STAT3: variants seen among roughly 807,000 people sequenced by gnomAD.
STAT3 encodes the protein DNA-binding protein APRF.
A neutral mutation model predicts 114.3 loss-of-function variants in STAT3; 7 were observed. The ratio of observed to expected loss-of-function variants is 0.06; its 90% confidence interval spans 0.03 to 0.11. STAT3 has a LOEUF of 0.11. STAT3 is among the 10% of genes least tolerant of loss of function. The pLI is 1.00. For missense variants in STAT3, 364 were observed against 960.9 expected (o/e 0.38, Z 8.21); for synonymous variants, 331 against 354.5 (o/e 0.93, Z 0.74).
intron 1 of STAT3, among the ~76,000 whole-genome samples, chr17:42,383,998 G>C (rs1026544548): frequency 6.6e-6 from 1 of 152,174 alleles, no homozygotes; most frequent in Non-Finnish European, 1.5e-5. Flanking sequence ...AGGGCAGAGG[G>C]CATATGCACT....
chr17:42,374,982 A>G (rs1030878553), intron 1 of STAT3, among the ~76,000 whole-genome samples: 1 of 152,226 alleles, frequency 6.6e-6, no homozygotes, highest in Non-Finnish European at 1.5e-5. Flanking sequence ...GACATCTGAA[A>G]TAAGTCAACA....
intron 1 of STAT3, among the ~76,000 whole-genome samples, chr17:42,369,397 CGTT>C (rs1166237796): frequency 6.6e-6 from 1 of 151,972 alleles, no homozygotes; most frequent in African/African-American, 2.4e-5. Flanking sequence ...AACATGATCT[CGTT>C]GTTTTTTATG....
intron 10 of STAT3, among the ~76,000 whole-genome samples, chr17:42,332,696 A>G (rs1425595683): frequency 6.6e-6 from 1 of 151,990 alleles, no homozygotes; most frequent in African/African-American, 2.4e-5. Context: ...TACAAAAATT[A>G]GCCGGGCATG....
At chr17:42,383,380 T>A (rs1388462974) in intron 1 of STAT3, among the ~76,000 whole-genome samples, 6 of 151,158 alleles carry the variant, frequency 4.0e-5, no homozygotes, top group Non-Finnish European at 8.9e-5. Context: ...TTTTTTTTTT[T>A]AAAGAAACAA....
chr17:42,345,341 T>G (rs2082648371), intron 4 of STAT3: 1 of 545,738 alleles, frequency 1.8e-6, no homozygotes, highest in African/African-American at 1.9e-5. Flanking sequence ...GTCTGTTGGA[T>G]TCTTTTGGTG....
chr17:42,320,632 A>G (rs1031794200), intron 21 of STAT3, among the ~76,000 whole-genome samples: 2 of 149,058 alleles, frequency 1.3e-5, no homozygotes, highest in African/African-American at 4.9e-5. Context: ...CGGGAGGCTG[A>G]GGCAGGAGAA....
At chr17:42,363,810 C>A (rs1018036565) in intron 1 of STAT3, among the ~76,000 whole-genome samples, 2 of 151,968 alleles carry the variant, frequency 1.3e-5, no homozygotes, top group African/African-American at 4.8e-5. Context: ...CTCCTTGCCC[C>A]CCACCCACAG....
At chr17:42,373,712 C>T (rs1212090647) in intron 1 of STAT3, among the ~76,000 whole-genome samples, 4 of 151,400 alleles carry the variant, frequency 2.6e-5, no homozygotes, top group Admixed American at 6.6e-5. Flanking sequence ...GGTGAAACCC[C>T]GTCTCTACTA....
At chr17:42,316,681 A>G (rs1567701810) in intron 23 of STAT3, 108 bp downstream of exon 23, 1 of 1,558,664 alleles carries the variant, frequency 6.4e-7, no homozygotes, top group Non-Finnish European at 8.7e-7. Context: ...AAGCTCTAGA[A>G]TCTCCTACCA....
At chr17:42,325,990 C>CA in intron 15 of STAT3, 126 bp downstream of exon 15, 1 of 925,196 alleles carries the variant, frequency 1.1e-6, no homozygotes. Flanking sequence ...GAAAAGTAAG[C>CA]AAAAATAAAC....
chr17:42,377,343 C>G (rs1474261271), intron 1 of STAT3, among the ~76,000 whole-genome samples: 1 of 152,032 alleles, frequency 6.6e-6, no homozygotes, highest in East Asian at 1.9e-4. Context: ...CACAGCCTCC[C>G]GAGTAGCTGG....
chr17:42,321,165 G>C (rs543338400), intron 21 of STAT3, among the ~76,000 whole-genome samples: 1 of 145,012 alleles, frequency 6.9e-6, no homozygotes, highest in African/African-American at 2.6e-5. Context: ...TGTCACCCAG[G>C]CTGGAGTGCA....
intron 1 of STAT3, among the ~76,000 whole-genome samples, chr17:42,366,366 C>T (rs959218873): frequency 1.5e-5 from 2 of 134,250 alleles, no homozygotes; most frequent in African/African-American, 5.6e-5. Context: ...ATCCTGTTGG[C>T]TCTGTCTTCA....
chr17:42,348,363 T>G (rs148443631), intron 2 of STAT3, 26 bp downstream of exon 2: 2 of 1,613,938 alleles, frequency 1.2e-6, no homozygotes, highest in Non-Finnish European at 1.7e-6. Flanking sequence ...CCTAACAATT[T>G]GGAGAGTCAC....
intron 1 of STAT3, among the ~76,000 whole-genome samples, chr17:42,358,027 A>T (rs545432428): frequency 6.6e-6 from 1 of 152,326 alleles, no homozygotes; most frequent in East Asian, 1.9e-4. Context: ...AAAATTAAAA[A>T]CCAATGACGA....
intron 1 of STAT3, among the ~76,000 whole-genome samples, chr17:42,376,135 A>G (rs2145312766): frequency 7.8e-6 from 1 of 127,572 alleles, no homozygotes; most frequent in South Asian, 3.0e-4. Flanking sequence ...TGGGTGACAG[A>G]GTGAGACTCC....
intron 1 of STAT3, among the ~76,000 whole-genome samples, chr17:42,366,106 T>C (rs1216833232): frequency 1.3e-5 from 2 of 152,162 alleles, no homozygotes; most frequent in Admixed American, 6.5e-5. Context: ...CAGACACTTA[T>C]AGCCAACTGC....
chr17:42,362,829 A>G (rs923072760), intron 1 of STAT3, among the ~76,000 whole-genome samples: 11 of 152,172 alleles, frequency 7.2e-5, no homozygotes, highest in Non-Finnish European at 1.5e-4. Flanking sequence ...GGCTGGTACC[A>G]GCTGGTGGCT....
intron 1 of STAT3, among the ~76,000 whole-genome samples, chr17:42,364,785 G>T (rs1383691012): frequency 3.3e-5 from 5 of 152,160 alleles, no homozygotes; most frequent in Non-Finnish European, 7.3e-5. Flanking sequence ...GCCTGGCCAA[G>T]AATTTAAATT....
Sources: allele counts gnomAD v4.1 joint callset (sites outside exome capture counted in the v4.1 genomes callset), GRCh38; gene constraint gnomAD v4.1.1; transcripts MANE v1.5; gene names NCBI Gene and HGNC (gene_info 2026-07-23, HGNC 2026-07-21).